LYPD5: variants seen among roughly 807,000 people sequenced by gnomAD.
The protein encoded by LYPD5 is LY6/PLAUR domain containing 5, also known as ly6/PLAUR domain-containing protein 5.
In LYPD5, 21 loss-of-function variants were observed where a neutral mutation model predicts 19.1. That is an observed-to-expected ratio of 1.10 (90% confidence interval 0.78 to 1.58). The LOEUF (loss-of-function observed/expected upper bound fraction) is 1.58, where lower values mean the gene tolerates loss of function less well. Ranked by LOEUF, LYPD5 falls within the 40% of genes most tolerant of loss-of-function variation. The pLI is 0.00. For synonymous variants in LYPD5, 128 were observed against 142.7 expected (o/e 0.90, Z 0.74); for missense variants, 287 against 329.8 (o/e 0.87, Z 1.00).
upstream of LYPD5, among the ~76,000 whole-genome samples, chr19:43,806,671 A>G (rs1045903093): frequency 5.3e-5 from 8 of 151,978 alleles, no homozygotes; most frequent in African/African-American, 1.5e-4. Flanking sequence ...AACAAAACAA[A>G]ACAAAACAAA....
intron 4 of LYPD5, 96 bp from the exon 5 acceptor site, chr19:43,797,925 C>A: frequency 1.0e-6 from 1 of 953,794 alleles, no homozygotes; most frequent in South Asian, 1.6e-5. Flanking sequence ...CCTCGGTCCT[C>A]AGACTTGCTT....
At chr19:43,819,220 G>A (rs1240191794) in intron 1 of LYPD5, among the ~76,000 whole-genome samples, 6 of 147,012 alleles carry the variant, frequency 4.1e-5, no homozygotes, top group African/African-American at 1.5e-4. Context: ...CTATTATTCT[G>A]TGTTCTAACT....
chr19:43,798,742 C>A, intron 3 of LYPD5, 70 bp downstream of exon 3: 1 of 1,568,226 alleles, frequency 6.4e-7, no homozygotes, highest in Non-Finnish European at 8.6e-7. Flanking sequence ...CCAGCGGAGG[C>A]CACGCCTTCC....
intron 1 of LYPD5, 121 bp downstream of exon 1, chr19:43,802,196 T>TC (rs2146497017): frequency 2.5e-6 from 1 of 392,810 alleles, no homozygotes; most frequent in Non-Finnish European, 4.4e-6. Context: ...ACCCAGGAGA[T>TC]CAGGCCCCCA....
chr19:43,806,436 G>A (rs117859953), upstream of LYPD5, among the ~76,000 whole-genome samples: 1,158 of 152,232 alleles, frequency 7.6e-3, 4 homozygotes, highest in Middle Eastern at 0.02. Flanking sequence ...GCTGAAGCAG[G>A]AGGATCACTT....
At chr19:43,811,423 C>T (rs930012689) in intron 1 of LYPD5, among the ~76,000 whole-genome samples, 3 of 152,166 alleles carry the variant, frequency 2.0e-5, no homozygotes, top group East Asian at 3.9e-4. Flanking sequence ...CGGTGGCTCA[C>T]GCCTGTAATC....
At position 43,812,335 on chromosome 19, in the gene LYPD5, T is replaced by TTCTTTCTA. The variant is rs138230828; in HGVS notation, c.-66+8204_-66+8205insTAGAAAGA. Among the ~76,000 whole-genome samples, 6 of 143,398 alleles carry TTCTTTCTA rather than the reference T, an allele frequency of 4.2e-5. No homozygotes were observed. The East Asian group carries it at 1.2e-3, about 29-fold the overall frequency. 94.1% of individuals were successfully genotyped at this position (143,398 alleles called of 152,430 possible). ...GAGGGGAATGATTTGTGGTTATTTT[T>TTCTTTCTA]TCTATCTATCTATCTATCTATCTAT... On this transcript the variant is annotated intron_variant, in intron 1 of 4. Coordinates refer to the LYPD5 transcript ENST00000414615.
intron 2 of LYPD5, among the ~76,000 whole-genome samples, chr19:43,799,260 C>T (rs1188647380): frequency 6.6e-6 from 1 of 151,868 alleles, no homozygotes; most frequent in Non-Finnish European, 1.5e-5. Flanking sequence ...TTTTGTGGGG[C>T]GGAGGACGGA....
chr19:43,810,570 C>CCTCCCCTCCCTTCCCCTCCT (rs1970313577), intron 1 of LYPD5, among the ~76,000 whole-genome samples: 1 of 107,864 alleles, frequency 9.3e-6, no homozygotes, highest in Non-Finnish European at 1.9e-5. Flanking sequence ...CCTCCCCTCC[C>CCTCCCCTCCCTTCCCCTCCT]CTCCCCTCCC....
chr19:43,816,571 G>C (rs998972991), intron 1 of LYPD5, among the ~76,000 whole-genome samples: 3 of 152,170 alleles, frequency 2.0e-5, no homozygotes, highest in African/African-American at 7.2e-5. Flanking sequence ...CACATACTAA[G>C]GACCAAAAAC....
upstream of LYPD5, chr19:43,802,557 AGTTG>A: frequency 3.1e-5 from 10 of 317,730 alleles, no homozygotes; most frequent in South Asian, 3.5e-4. Flanking sequence ...GGTGATCCTC[AGTTG>A]CTGGAGATCT....
At chr19:43,820,042 G>A (rs1449078502) in intron 1 of LYPD5, among the ~76,000 whole-genome samples, 1 of 150,380 alleles carries the variant, frequency 6.6e-6, no homozygotes, top group Non-Finnish European at 1.5e-5. Context: ...GATTGTCTAG[G>A]GCACACTCCA....
At chr19:43,816,411 C>T (rs1268772012) in intron 1 of LYPD5, among the ~76,000 whole-genome samples, 1 of 152,142 alleles carries the variant, frequency 6.6e-6, no homozygotes, top group Non-Finnish European at 1.5e-5. Flanking sequence ...ATGATCAAGG[C>T]CTCTGTGGAC....
chr19:43,799,224 A>C (rs1599693251), intron 2 of LYPD5, among the ~76,000 whole-genome samples: 1 of 144,956 alleles, frequency 6.9e-6, no homozygotes, highest in African/African-American at 2.6e-5. Flanking sequence ...TCCTCCCCTC[A>C]CCGCTCGTCC....
chr19:43,809,473 C>T (rs1048513527), intron 1 of LYPD5, among the ~76,000 whole-genome samples: 1 of 152,110 alleles, frequency 6.6e-6, no homozygotes, highest in Non-Finnish European at 1.5e-5. Context: ...CTTCGCCTCC[C>T]GGGTTCAAGC....
rs1465022748 is a variant in LYPD5, at chr19:43,796,228, A to G, written c.*1363T>C. ...AGATGAATTTTGGGGAGACACAAAC[A>G]TTCAGACAATAGCAGGATGCAACTT... On this transcript the variant is annotated 3_prime_UTR_variant, in exon 5 of 5. Coordinates refer to ENST00000377950, the MANE Select transcript of LYPD5 (RefSeq NM_001031749.3). 6.6e-6 allele frequency: 1 copy of G among 152,192 alleles called. No homozygotes were observed. The highest frequency in any genetic ancestry group is 1.5e-5 in the Non-Finnish European group (1 of 68,030). 9.4% of individuals were successfully genotyped at this position (152,192 alleles called of 1,614,324 possible).
intron 2 of LYPD5, 110 bp from the exon 3 acceptor site, chr19:43,799,098 C>CTCCTTCCT: frequency 3.0e-6 from 3 of 1,014,502 alleles, no homozygotes; most frequent in South Asian, 1.8e-5. Context: ...ACCTCCTCCC[C>CTCCTTCCT]TCCCTCCTTC....
chr19:43,803,945 C>G (rs1970250103), upstream of LYPD5, among the ~76,000 whole-genome samples: 1 of 152,158 alleles, frequency 6.6e-6, no homozygotes, highest in Non-Finnish European at 1.5e-5. Context: ...TCACACCATT[C>G]TTCTGCCTCA....
Position 43,798,573 on chromosome 19 carries a change from G to C in LYPD5, c.399C>G (p.Ala133=). The change falls in exon 4 of 5, where the codon GCC becomes GCG. Residue 133 remains alanine (A), a synonymous_variant. Coordinates refer to ENST00000377950, the MANE Select transcript of LYPD5 (RefSeq NM_001031749.3). ...GGACCCCGATACAGGCGTAGCACTC[G>C]GCGCCGCTGAGCGTCGGCGGGTCGG... ...QAPDPPTLSG[A]ECYACIGVHQ... is the part of the protein sequence containing the mutation. 6.2e-7 allele frequency: 1 copy of C among 1,611,240 alleles called. No homozygotes were observed. Among genetic ancestry groups the C allele is most frequent in the Non-Finnish European group, 8.5e-7 (1 of 1,180,034 alleles).
Sources: allele counts gnomAD v4.1 joint callset (sites outside exome capture counted in the v4.1 genomes callset), GRCh38; gene constraint gnomAD v4.1.1; transcripts MANE v1.5; gene names NCBI Gene and HGNC (gene_info 2026-07-23, HGNC 2026-07-21).